DNM3: variants seen among roughly 807,000 people sequenced by gnomAD.
The protein encoded by DNM3 is dynamin 3.
A neutral mutation model predicts 101.6 loss-of-function variants in DNM3; 47 were observed. The observed-to-expected ratio is 0.46, with a 90% CI of 0.37 to 0.59. The LOEUF is 0.59. Among genes scored for constraint, DNM3 ranks in the 20% least tolerant of loss-of-function variants. DNM3 has a pLI of 0.00. For synonymous variants in DNM3, 385 were observed against 387.9 expected, an observed-to-expected ratio of 0.99 and a Z score of 0.09; for missense variants, 849 against 1,085.7, an observed-to-expected ratio of 0.78 and a Z score of 3.06.
intron 20 of DNM3, among the ~76,000 whole-genome samples, chr1:172,392,557 G>A (rs562690390): frequency 3.3e-5 from 5 of 152,128 alleles, no homozygotes; most frequent in Non-Finnish European, 7.4e-5. Flanking sequence ...TTCAGATATA[G>A]CTTCTTAAAA....
At chr1:172,229,422 A>G (rs939622029) in intron 14 of DNM3, among the ~76,000 whole-genome samples, 8 of 152,200 alleles carry the variant, frequency 5.3e-5, no homozygotes, top group African/African-American at 1.7e-4. Flanking sequence ...TGGTGAATGT[A>G]TATAAGTGTC....
chr1:172,215,448 A>G lies in DNM3; in HGVS notation c.1660-38125A>G, dbSNP rs188430711. ...TGATTTTTGAATGCATAAGAACCCA[A>G]AGAGGATGACATAAACTTAGCGAAG... On this transcript the variant is annotated intron_variant, in intron 14 of 20. Coordinates refer to ENST00000627582, the MANE Select transcript of DNM3 (RefSeq NM_015569.5). Among the ~76,000 whole-genome samples, 3 of 152,198 alleles carry G rather than the reference A, an allele frequency of 2.0e-5. No individual in the cohort carries two copies. In the East Asian group the frequency reaches 5.8e-4, roughly 29 times the overall value.
At chr1:172,173,128 G>T (rs1392355569) in intron 14 of DNM3, among the ~76,000 whole-genome samples, 3 of 151,738 alleles carry the variant, frequency 2.0e-5, no homozygotes, top group African/African-American at 4.8e-5. Context: ...CTTGGAGAAA[G>T]GGAAAACATT....
intron 2 of DNM3, among the ~76,000 whole-genome samples, chr1:171,954,820 A>G (rs2042750791): frequency 1.3e-5 from 2 of 152,228 alleles, no homozygotes; most frequent in South Asian, 4.1e-4. Context: ...AATTGTGGAA[A>G]CTGGGGCAAC....
At chr1:171,977,356 A>G (rs1265493445) in intron 2 of DNM3, among the ~76,000 whole-genome samples, 2 of 152,352 alleles carry the variant, frequency 1.3e-5, no homozygotes, top group East Asian at 1.9e-4. Context: ...AAAATATAAA[A>G]CCACAAGTGA....
chr1:172,179,638 C>A (rs1385751691), intron 14 of DNM3, among the ~76,000 whole-genome samples: 1 of 151,432 alleles, frequency 6.6e-6, no homozygotes, highest in Non-Finnish European at 1.5e-5. Flanking sequence ...TGATGCTATG[C>A]CGGATCATTT....
chr1:172,128,419 A>G (rs1405207176), intron 13 of DNM3, among the ~76,000 whole-genome samples: 1 of 152,194 alleles, frequency 6.6e-6, no homozygotes, highest in East Asian at 1.9e-4. Context: ...GGTAGCTGCG[A>G]TAGTTTCAGA....
intron 2 of DNM3, among the ~76,000 whole-genome samples, chr1:171,961,622 A>G (rs1422468016): frequency 2.6e-5 from 4 of 152,230 alleles, no homozygotes; most frequent in African/African-American, 9.6e-5. Context: ...AAGATTGGAA[A>G]GCGGGGGCCC....
At chr1:172,159,373 T>C (rs998473111) in intron 14 of DNM3, among the ~76,000 whole-genome samples, 1 of 152,096 alleles carries the variant, frequency 6.6e-6, no homozygotes, top group Non-Finnish European at 1.5e-5. Context: ...TCATCTCACA[T>C]TGAGTTATTG....
chr1:172,104,050 TC>T (rs201218310), intron 13 of DNM3, among the ~76,000 whole-genome samples: 1,732 of 152,338 alleles, frequency 0.011, 34 homozygotes, highest in African/African-American at 0.039. Flanking sequence ...GACTTTGGTA[TC>T]CCTTCTCCTA....
chr1:171,976,049 C>T (rs1243236827), intron 2 of DNM3, among the ~76,000 whole-genome samples: 1 of 121,582 alleles, frequency 8.2e-6, no homozygotes, highest in Non-Finnish European at 1.8e-5. Flanking sequence ...ATCAATGGAA[C>T]AGGATGGATT....
intron 2 of DNM3, among the ~76,000 whole-genome samples, chr1:171,982,662 TTGTGTG>T (rs3051606): frequency 1.3e-5 from 2 of 148,860 alleles, no homozygotes; most frequent in African/African-American, 2.5e-5. Flanking sequence ...ATGTGTGTGT[TTGTGTG>T]TGTGTGTGTG....
chr1:172,104,167 T>C (rs1338302551), intron 13 of DNM3, among the ~76,000 whole-genome samples: 2 of 152,242 alleles, frequency 1.3e-5, no homozygotes, highest in East Asian at 3.8e-4. Context: ...TTGTTTGTAT[T>C]ATATATAGTA....
chr1:172,025,507 G>A (rs1183707561), intron 4 of DNM3, among the ~76,000 whole-genome samples: 1 of 152,162 alleles, frequency 6.6e-6, no homozygotes, highest in African/African-American at 2.4e-5. Flanking sequence ...CTCCTGACTG[G>A]GAGACACCTC....
rs2148497144 is a variant in DNM3 at position 172,204,390 on chromosome 1, G to A, written c.1660-49183G>A. 2.6e-5 allele frequency among the ~76,000 whole-genome samples: 4 copies of A among 152,150 alleles called. No individual in the cohort carries two copies. The South Asian group carries it at 8.3e-4, about 32-fold the overall frequency. On this transcript the variant is annotated intron_variant, in intron 14 of 20. Coordinates refer to ENST00000627582, the MANE Select transcript of DNM3 (RefSeq NM_015569.5). ...AAAATAGCAGTGTGGAGACCTAACA[G>A]CAATTATTTTTGTATTTCCAGACTT...
chr1:172,136,807 A>G (rs2148120854), intron 14 of DNM3: 1 of 152,306 alleles, frequency 6.6e-6, no homozygotes, highest in Admixed American at 6.5e-5. Flanking sequence ...TTATCCTGGA[A>G]GAGCAATATT....
intron 17 of DNM3, among the ~76,000 whole-genome samples, chr1:172,326,265 G>A (rs981471525): frequency 6.6e-6 from 1 of 152,068 alleles, no homozygotes; most frequent in African/African-American, 2.4e-5. Flanking sequence ...TTCCAGGCCT[G>A]TTACTTATTT....
At chr1:171,916,314 A>G (rs1002421835) in intron 1 of DNM3, among the ~76,000 whole-genome samples, 2 of 152,222 alleles carry the variant, frequency 1.3e-5, no homozygotes, top group Non-Finnish European at 2.9e-5. Flanking sequence ...GGATGTTATG[A>G]GATCAAACAA....
chr1:172,026,397 A>G (rs1442537792), intron 4 of DNM3, among the ~76,000 whole-genome samples: 1 of 152,188 alleles, frequency 6.6e-6, no homozygotes, highest in Admixed American at 6.5e-5. Context: ...GATATTATCC[A>G]GGAGAACTTC....
Sources: gnomAD v4.1 joint callset for allele counts (sites outside exome capture counted in the v4.1 genomes callset) on GRCh38, gnomAD v4.1.1 for gene constraint, MANE v1.5 for transcripts, NCBI Gene and HGNC (gene_info 2026-07-23, HGNC 2026-07-21) for gene names.